Variants in AGPS observed in about 807,000 individuals in gnomAD.
AGPS encodes the protein alkyldihydroxyacetonephosphate synthase, peroxisomal.
A neutral mutation model predicts 90.7 loss-of-function variants in AGPS; 26 were observed. That is an observed-to-expected ratio of 0.29 (90% CI 0.21 to 0.40). The LOEUF is 0.40. Among genes scored for constraint, AGPS ranks in the 10% least tolerant of loss-of-function variants. The pLI, the probability that AGPS is intolerant of heterozygous loss-of-function variation, is 1.00. For missense variants in AGPS, 540 were observed against 816.1 expected, an observed-to-expected ratio of 0.66 and a Z score of 4.12; for synonymous variants, 294 against 285.3, an observed-to-expected ratio of 1.03 and a Z score of -0.31.
At chr2:177,483,352 T>C (rs1316998376) in intron 11 of AGPS, among the ~76,000 whole-genome samples, 1 of 152,188 alleles carries the variant, frequency 6.6e-6, no homozygotes, top group Admixed American at 6.5e-5. Flanking sequence ...TCTAAGACAC[T>C]CTTTCTGTCT....
chr2:177,469,728 C>T (rs1056556584), intron 10 of AGPS, among the ~76,000 whole-genome samples: 14 of 152,118 alleles, frequency 9.2e-5, no homozygotes, highest in Admixed American at 2.0e-4. Context: ...AGTTGAATAA[C>T]GAAAATAGCT....
At chr2:177,473,193 T>C (rs761304001) in intron 10 of AGPS, among the ~76,000 whole-genome samples, 2 of 152,234 alleles carry the variant, frequency 1.3e-5, no homozygotes, top group Non-Finnish European at 2.9e-5. Context: ...TTTGTTTCCT[T>C]GTATGCTGAA....
chr2:177,393,811 C>T (rs545739842), intron 1 of AGPS, among the ~76,000 whole-genome samples: 1 of 149,512 alleles, frequency 6.7e-6, no homozygotes, highest in East Asian at 2.0e-4. Flanking sequence ...AGGATGGTCT[C>T]GATCTCCTCA....
intron 17 of AGPS, among the ~76,000 whole-genome samples, chr2:177,516,632 G>A (rs575807000): frequency 2.0e-5 from 3 of 152,132 alleles, no homozygotes; most frequent in East Asian, 3.8e-4. Context: ...TATGACTTCA[G>A]TAATCTGTTC....
chr2:177,404,640 A>C (rs1685418269), intron 1 of AGPS, among the ~76,000 whole-genome samples: 1 of 152,148 alleles, frequency 6.6e-6, no homozygotes, highest in Non-Finnish European at 1.5e-5. Flanking sequence ...GTTTTGATGC[A>C]TTTTAAAGTA....
In AGPS at chr2:177,437,047, A is replaced by G; in HGVS notation, c.630A>G (p.Leu210=). 6.2e-7 allele frequency: 1 copy of G among 1,613,464 alleles called. No homozygotes were observed. The highest frequency in any genetic ancestry group is 8.5e-7 in the Non-Finnish European group (1 of 1,179,642). ...TTGAGCGAATTCCTGATATAGTTTT[A>G]TGGCCAAGTAAGTTTTCCCCTCCTC... ...GMFERIPDIV[L]WPTCHDDVVK... is the part of the protein sequence containing the mutation. The change falls in exon 5 of 20, where the codon TTA becomes TTG. Residue 210 remains leucine, a synonymous_variant. Transcript: ENST00000264167.
chr2:177,481,410 G>C (rs922976294), intron 10 of AGPS, among the ~76,000 whole-genome samples: 2 of 149,548 alleles, frequency 1.3e-5, no homozygotes, highest in Non-Finnish European at 3.0e-5. Flanking sequence ...TTTTTAATTT[G>C]TGTGTGTGTT....
At chr2:177,414,948 T>C (rs1040984538) in intron 1 of AGPS, among the ~76,000 whole-genome samples, 1 of 144,086 alleles carries the variant, frequency 6.9e-6, no homozygotes, top group African/African-American at 2.5e-5. Context: ...ACATATATGA[T>C]GAATGCATTA....
intron 17 of AGPS, among the ~76,000 whole-genome samples, chr2:177,515,592 T>C (rs927211843): frequency 2.0e-5 from 3 of 152,220 alleles, no homozygotes; most frequent in Non-Finnish European, 4.4e-5. Context: ...TAAAATATTC[T>C]GCCTTAGGGC....
chr2:177,456,134 A>G (rs556542700), intron 8 of AGPS, among the ~76,000 whole-genome samples: 1 of 152,220 alleles, frequency 6.6e-6, no homozygotes, highest in Non-Finnish European at 1.5e-5. Flanking sequence ...GCAATGAGCC[A>G]TGATTGTGCC....
intron 14 of AGPS, among the ~76,000 whole-genome samples, chr2:177,504,226 A>G (rs1190257441): frequency 1.3e-5 from 2 of 152,082 alleles, no homozygotes; most frequent in Non-Finnish European, 2.9e-5. Flanking sequence ...GTCTGACTCT[A>G]TTTTATATCT....
intron 8 of AGPS, among the ~76,000 whole-genome samples, chr2:177,446,792 G>A (rs1412935105): frequency 6.6e-6 from 1 of 152,148 alleles, no homozygotes; most frequent in East Asian, 1.9e-4. Flanking sequence ...TGGAATTCTA[G>A]GATCTTGGTG....
At chr2:177,518,036 A>T (rs1056475740) in intron 17 of AGPS, among the ~76,000 whole-genome samples, 1 of 152,228 alleles carries the variant, frequency 6.6e-6, no homozygotes, top group African/African-American at 2.4e-5. Flanking sequence ...CATGATATTT[A>T]TTAAGTCTCA....
At chr2:177,439,954 C>G (rs900121805) in intron 5 of AGPS, among the ~76,000 whole-genome samples, 3 of 152,010 alleles carry the variant, frequency 2.0e-5, no homozygotes, top group African/African-American at 7.2e-5. Context: ...ACTTGTATAA[C>G]TTTTACAAGC....
At chr2:177,471,632 G>T (rs1687628012) in intron 10 of AGPS, among the ~76,000 whole-genome samples, 2 of 152,016 alleles carry the variant, frequency 1.3e-5, no homozygotes, top group Non-Finnish European at 2.9e-5. Flanking sequence ...TACAATTAAA[G>T]AGATGGAATA....
chr2:177,516,316 A>T (rs905243549), intron 17 of AGPS, among the ~76,000 whole-genome samples: 2 of 152,182 alleles, frequency 1.3e-5, no homozygotes, highest in South Asian at 4.1e-4. Flanking sequence ...TGAAGACGTT[A>T]TATGGGAAGT....
intron 11 of AGPS, among the ~76,000 whole-genome samples, chr2:177,490,028 C>G (rs1204647804): frequency 6.6e-6 from 1 of 152,136 alleles, no homozygotes; most frequent in Non-Finnish European, 1.5e-5. Flanking sequence ...CTGTCTCTGA[C>G]TTTTGAAGGC....
chr2:177,476,916 G>A (rs1034146421), intron 10 of AGPS, among the ~76,000 whole-genome samples: 6 of 151,936 alleles, frequency 3.9e-5, no homozygotes, highest in African/African-American at 1.2e-4. Flanking sequence ...CTTCTTTATA[G>A]CTAGTAATAT....
chr2:177,394,200 G>A (rs113743394), intron 1 of AGPS, among the ~76,000 whole-genome samples: 3,355 of 152,190 alleles, frequency 0.022, 68 homozygotes, highest in African/African-American at 0.044. Context: ...TTAAAAATAC[G>A]GTATTTACTC....
Sources: allele counts gnomAD v4.1 joint callset (sites outside exome capture counted in the v4.1 genomes callset), GRCh38; gene constraint gnomAD v4.1.1; transcripts MANE v1.5; gene names NCBI Gene and HGNC (gene_info 2026-07-23, HGNC 2026-07-21).